Variants in ZNF385D observed in about 807,000 individuals in gnomAD.
The protein encoded by ZNF385D is zinc finger protein 385D.
In ZNF385D, 15 loss-of-function variants were observed where a neutral mutation model predicts 35.8. The observed-to-expected ratio is 0.42, with a 90% CI of 0.28 to 0.64. The LOEUF is 0.64. Ranked by LOEUF, ZNF385D falls within the 30% of genes least tolerant of loss-of-function variation. ZNF385D has a pLI of 0.23. For missense variants in ZNF385D, 474 were observed against 494.6 expected, an observed-to-expected ratio of 0.96 and a Z score of 0.39; for synonymous variants, 212 against 186.8, an observed-to-expected ratio of 1.13 and a Z score of -1.10.
chr3:21,689,631 A>T (rs1220564217), intron 1 of ZNF385D, among the ~76,000 whole-genome samples: 2 of 152,188 alleles, frequency 1.3e-5, no homozygotes, highest in East Asian at 1.9e-4. Context: ...AGCACAGATT[A>T]TGGAGGAGGT....
Position 21,665,023 on chromosome 3 carries a change from T to C in ZNF385D, c.28A>G (p.Thr10Ala). The C allele has an allele frequency of 6.2e-7, 1 of 1,609,122 alleles. No individual in the cohort carries two copies. The part of the protein sequence containing the change: MRNIMYFGG[T>A]CQSPALPALV... ...GCCGGGAGAGCAGGACTCTGGCATG[T>C]ACCACCTGTGAAGACCAGAGCAAAG... Residue 10 changes from threonine (T) to alanine (A), a missense_variant, in exon 2 of 8, where the codon ACA (threonine) becomes GCA (alanine). Coordinates refer to ENST00000281523, the MANE Select transcript of ZNF385D (RefSeq NM_024697.3).
intron 3 of ZNF385D, among the ~76,000 whole-genome samples, chr3:22,097,739 A>C (rs1285219397): frequency 6.6e-6 from 1 of 152,080 alleles, no homozygotes; most frequent in Non-Finnish European, 1.5e-5. Flanking sequence ...CAGCAGCAGC[A>C]GGCAGACTTG....
intron 2 of ZNF385D, among the ~76,000 whole-genome samples, chr3:22,306,994 G>T (rs1057440831): frequency 6.6e-6 from 1 of 152,108 alleles, no homozygotes; most frequent in African/African-American, 2.4e-5. Flanking sequence ...GTTTCAAGAA[G>T]GTAACATAAT....
intron 2 of ZNF385D, among the ~76,000 whole-genome samples, chr3:21,587,030 A>ATG (rs1478717547): frequency 6.6e-6 from 1 of 152,158 alleles, no homozygotes; most frequent in Non-Finnish European, 1.5e-5. Context: ...ATGTAAACGT[A>ATG]TGAAAGAATG....
chr3:22,291,018 A>C (rs9877569), intron 2 of ZNF385D, among the ~76,000 whole-genome samples: 23,782 of 152,104 alleles, frequency 0.16, 3,879 homozygotes, highest in African/African-American at 0.42. Flanking sequence ...TCAATGAAGG[A>C]CTTACCTTCA....
chr3:22,262,884 A>C (rs186369741), intron 2 of ZNF385D, among the ~76,000 whole-genome samples: 103 of 151,996 alleles, frequency 6.8e-4, no homozygotes, highest in African/African-American at 2.4e-3. Flanking sequence ...GATCTTTCTC[A>C]TATTAGAAAA....
At chr3:21,953,340 G>A (rs1170994273) in intron 3 of ZNF385D, among the ~76,000 whole-genome samples, 1 of 151,180 alleles carries the variant, frequency 6.6e-6, no homozygotes, top group East Asian at 1.9e-4. Context: ...TAAAATATCT[G>A]GAAAAAACGT....
At chr3:21,824,171 A>G (rs1211408509) in intron 3 of ZNF385D, among the ~76,000 whole-genome samples, 1 of 152,206 alleles carries the variant, frequency 6.6e-6, no homozygotes, top group Non-Finnish European at 1.5e-5. Flanking sequence ...ATATCATAGT[A>G]GAGTGCACCA....
At chr3:21,661,346 T>A (rs1041903078) in intron 2 of ZNF385D, among the ~76,000 whole-genome samples, 2 of 152,202 alleles carry the variant, frequency 1.3e-5, no homozygotes, top group African/African-American at 4.8e-5. Flanking sequence ...AATTTCCTTA[T>A]TTGTCAACTT....
chr3:21,846,216 T>C (rs1262938771), intron 3 of ZNF385D, among the ~76,000 whole-genome samples: 1 of 152,030 alleles, frequency 6.6e-6, no homozygotes, highest in East Asian at 1.9e-4. Context: ...GAAAAAGCAT[T>C]TGAAAGGTGA....
chr3:21,848,599 T>C (rs1213608429), intron 3 of ZNF385D, among the ~76,000 whole-genome samples: 1 of 151,976 alleles, frequency 6.6e-6, no homozygotes, highest in Non-Finnish European at 1.5e-5. Context: ...AAGAGACTAA[T>C]GTGAATGATT....
intron 5 of ZNF385D, among the ~76,000 whole-genome samples, chr3:21,427,522 T>G (rs753670138): frequency 6.6e-5 from 10 of 152,170 alleles, no homozygotes; most frequent in Non-Finnish European, 7.3e-5. Flanking sequence ...TTATGTTGAT[T>G]GGGAAGAGAA....
intron 3 of ZNF385D, among the ~76,000 whole-genome samples, chr3:22,030,034 T>C (rs1483251361): frequency 1.3e-5 from 2 of 151,578 alleles, no homozygotes; most frequent in South Asian, 4.2e-4. Flanking sequence ...CCTAATCAGC[T>C]GCCAGCAAAT....
chr3:22,284,566 G>A (rs1701931801), intron 2 of ZNF385D, among the ~76,000 whole-genome samples: 3 of 151,884 alleles, frequency 2.0e-5, no homozygotes, highest in Non-Finnish European at 2.9e-5. Flanking sequence ...GTGGACCACA[G>A]AGAAGAGTAA....
intron 2 of ZNF385D, among the ~76,000 whole-genome samples, chr3:21,642,055 C>T (rs888569365): frequency 1.1e-4 from 16 of 152,100 alleles, no homozygotes; most frequent in African/African-American, 3.4e-4. Flanking sequence ...AGGCAGAAAA[C>T]TCATCTGCAT....
In ZNF385D at chr3:22,304,417, C is replaced by T. The variant is rs570147965; in HGVS notation, c.106+68033G>A. Among the ~76,000 whole-genome samples the T allele has an allele frequency of 3.3e-5, 5 of 152,126 alleles. No individual in the cohort carries two copies. The South Asian group carries it at 1.0e-3, about 32-fold the overall frequency. On this transcript the variant is annotated intron_variant, in intron 2 of 5. Transcript: ENST00000494108. ...ATTGACATGCAAATTTTATTTTTTGCTATTAATTTCAATGCTGTGTGAAAA... is the reference window on the plus strand; with the variant it reads ...ATTGACATGCAAATTTTATTTTTTGTTATTAATTTCAATGCTGTGTGAAAA...
At chr3:22,241,762 T>C (rs1699505714) in intron 2 of ZNF385D, among the ~76,000 whole-genome samples, 1 of 150,542 alleles carries the variant, frequency 6.6e-6, no homozygotes. Context: ...AAAAAAAACC[T>C]TTTTTTTCTT....
chr3:22,103,469 A>G (rs971808647), intron 3 of ZNF385D, among the ~76,000 whole-genome samples: 10 of 152,092 alleles, frequency 6.6e-5, no homozygotes, highest in African/African-American at 9.7e-5. Flanking sequence ...CTATTTTACA[A>G]TTTTCATAAA....
chr3:21,509,116 A>T (rs766407948), intron 4 of ZNF385D, among the ~76,000 whole-genome samples: 20 of 152,150 alleles, frequency 1.3e-4, no homozygotes, highest in Non-Finnish European at 2.5e-4. Context: ...ACATATATAT[A>T]TTTTTAAATG....
Sources: allele counts gnomAD v4.1 joint callset (sites outside exome capture counted in the v4.1 genomes callset), GRCh38; gene constraint gnomAD v4.1.1; transcripts MANE v1.5; gene names NCBI Gene and HGNC (gene_info 2026-07-23, HGNC 2026-07-21).